SYK: variants seen among roughly 807,000 people sequenced by gnomAD.
The protein encoded by SYK is spleen associated tyrosine kinase, also known as tyrosine-protein kinase SYK.
Under a neutral mutation model 77.8 loss-of-function variants are expected in SYK, and 16 were observed. The ratio of observed to expected loss-of-function variants is 0.21; its 90% confidence interval spans 0.14 to 0.31. The LOEUF is 0.31. Ranked by LOEUF, SYK falls within the 10% of genes least tolerant of loss-of-function variation. SYK has a pLI of 1.00. For missense variants in SYK, 529 were observed against 814.4 expected (o/e 0.65, Z 4.26); for synonymous variants, 312 against 308.7 (o/e 1.01, Z -0.11).
At position 90,895,611 on chromosome 9, in the gene SYK, AC is replaced by A. The variant is rs1828954692; in HGVS notation, c.*13del. 1.2e-6 allele frequency: 2 copies of A among 1,613,066 alleles called. No individual in the cohort carries two copies. The highest frequency in any genetic ancestry group is 3.3e-5 in the Admixed American group (2 of 59,998). ...GACGTGGTGAACTAACCGCTCCCGC[AC>A]CTGTCGGTGGCTGCCTTTGATCACA... On this transcript the variant is annotated 3_prime_UTR_variant, in exon 14 of 14. Transcript: ENST00000375754. The surrounding 1 kb of genome is among the most constrained non-coding windows in gnomAD (Gnocchi z 4.4).
intron 1 of SYK, among the ~76,000 whole-genome samples, chr9:90,828,227 T>TCCCCC (rs1180453983): frequency 3.3e-5 from 1 of 30,612 alleles, no homozygotes; most frequent in Non-Finnish European, 6.2e-5. Flanking sequence ...TGCTGTGGCC[T>TCCCCC]CACCCCCGCC....
chr9:90,859,131 A>G (rs980906442), intron 3 of SYK, among the ~76,000 whole-genome samples: 2 of 152,220 alleles, frequency 1.3e-5, no homozygotes, highest in Non-Finnish European at 2.9e-5. Flanking sequence ...GTACAACTTA[A>G]TGAATGATTA....
chr9:90,818,228 C>T (rs960313805), intron 1 of SYK, among the ~76,000 whole-genome samples: 2 of 152,182 alleles, frequency 1.3e-5, no homozygotes, highest in African/African-American at 4.8e-5. Context: ...GGGGCAGTAT[C>T]TCTGCCAACA....
At chr9:90,880,733 C>T (rs1198909282) in intron 11 of SYK, among the ~76,000 whole-genome samples, 2 of 152,204 alleles carry the variant, frequency 1.3e-5, no homozygotes, top group Non-Finnish European at 2.9e-5. Flanking sequence ...GCTGTGTGGG[C>T]AGGGCCAGGT....
intron 11 of SYK, among the ~76,000 whole-genome samples, chr9:90,880,373 CA>C (rs1828103260): frequency 6.6e-6 from 1 of 152,198 alleles, no homozygotes; most frequent in African/African-American, 2.4e-5. Flanking sequence ...TGGCCCTCCT[CA>C]CCCCATTCTT....
At chr9:90,833,609 C>T (rs1825969921) in intron 1 of SYK, among the ~76,000 whole-genome samples, 1 of 152,158 alleles carries the variant, frequency 6.6e-6, no homozygotes, top group Admixed American at 6.5e-5. Flanking sequence ...AGTCAGACTG[C>T]CCTAGAAACA....
rs1397325676 is a variant in SYK, at chr9:90,884,389, GCATACATACACATATGTGTATATATA to G, written c.1582-3351_1582-3326del. On this transcript the variant is annotated intron_variant, in intron 11 of 13. Coordinates refer to ENST00000375754, the MANE Select transcript of SYK (RefSeq NM_003177.7). Reference sequence around the variant, plus strand: ...TACATACACACATACGTGTATATATGCATACATACACATATGTGTATATATACATACATATACACATATGTGTGTAC... The same window carrying G: ...TACATACACACATACGTGTATATATGCATACATATACACATATGTGTGTAC... Among the ~76,000 whole-genome samples the G allele has an allele frequency of 5.7e-3, 393 of 69,320 alleles. 44 individuals carry two copies. Among genetic ancestry groups the G allele is most frequent in the South Asian group, 9.2e-3 (21 of 2,288 alleles). The allele number at this position is 69,320 out of a possible 152,430, so 45.5% of individuals were successfully genotyped here.
At chr9:90,874,532 T>G (rs1827855537) in intron 8 of SYK, 140 bp from the exon 9 acceptor site, 9 of 1,146,520 alleles carry the variant, frequency 7.8e-6, no homozygotes, top group Admixed American at 2.2e-5. Flanking sequence ...GAAATGTCCC[T>G]GCCACTCTTC....
At chr9:90,857,786 A>G (rs1451902491) in intron 3 of SYK, among the ~76,000 whole-genome samples, 1 of 151,814 alleles carries the variant, frequency 6.6e-6, no homozygotes, top group Non-Finnish European at 1.5e-5. Flanking sequence ...TGCCCACCCA[A>G]CCCAGCACAG....
intron 7 of SYK, among the ~76,000 whole-genome samples, chr9:90,870,458 A>G (rs1269959012): frequency 2.6e-5 from 4 of 152,228 alleles, no homozygotes; most frequent in Non-Finnish European, 2.9e-5. Context: ...ATATTTTAAA[A>G]CTTACATTTA....
At chr9:90,872,824 G>A (rs1248200135) in intron 7 of SYK, among the ~76,000 whole-genome samples, 10 of 152,176 alleles carry the variant, frequency 6.6e-5, no homozygotes, top group Non-Finnish European at 7.3e-5. Context: ...CCTTGTGGAC[G>A]TGGCACAGTT....
chr9:90,817,845 TTGTGTGTGTGTGTGTG>T lies in SYK; in HGVS notation c.-42+15975_-42+15990del, dbSNP rs746939088. Among the ~76,000 whole-genome samples the T allele has an allele frequency of 0.013, 1,805 of 137,592 alleles. 61 individuals are homozygous for T. The East Asian group carries it at 0.14, about 11-fold the overall frequency. 90.3% of individuals were successfully genotyped at this position (137,592 alleles called of 152,430 possible). A position where few individuals can be genotyped will look rare whatever the true frequency, so the allele number is the denominator to read the frequency against. ...AATATTTCCTCCCTTCTCAATAATG[TTGTGTGTGTGTGTGTG>T]TGTGTGTGTGTGTGTGTGTGTGAGA... On this transcript the variant is annotated intron_variant, in intron 1 of 13. Coordinates refer to ENST00000375754, the MANE Select transcript of SYK (RefSeq NM_003177.7).
chr9:90,803,141 A>G (rs1027773113), intron 1 of SYK, among the ~76,000 whole-genome samples: 1 of 152,234 alleles, frequency 6.6e-6, no homozygotes, highest in Non-Finnish European at 1.5e-5. Flanking sequence ...AAATTATTTT[A>G]TCAAATCATT....
In SYK at chr9:90,877,243, A is replaced by G. The variant is rs557292321; in HGVS notation, c.1182-328A>G. Among the ~76,000 whole-genome samples, 16 of 152,112 alleles carry G rather than the reference A, an allele frequency of 1.1e-4. No homozygotes were observed. In the South Asian group the frequency reaches 2.7e-3, roughly 26 times the overall value. On this transcript the variant is annotated intron_variant, in intron 9 of 13. Transcript: ENST00000375754. ...TTTTTTTAGAGATGGGGGTCTCACT[A>G]TGTTGCCCAGGCTGACCTTGAACTT...
intron 7 of SYK, 103 bp from the exon 8 acceptor site, chr9:90,874,101 A>G (rs1827837245): frequency 1.0e-6 from 1 of 952,834 alleles, no homozygotes; most frequent in Non-Finnish European, 1.6e-6. Flanking sequence ...TCTTTCCTGC[A>G]AAAGTTAAAC....
At chr9:90,894,721 A>G (rs1312656065) in intron 13 of SYK, among the ~76,000 whole-genome samples, 1 of 152,226 alleles carries the variant, frequency 6.6e-6, no homozygotes, top group East Asian at 1.9e-4. Flanking sequence ...AAAATAAGAA[A>G]AATAACTTCT....
At chr9:90,802,300 C>T (rs140868907) in intron 1 of SYK, among the ~76,000 whole-genome samples, 20 of 152,336 alleles carry the variant, frequency 1.3e-4, no homozygotes, top group Middle Eastern at 3.4e-3. Context: ...TGGCCATTTA[C>T]ACGAATCCAC....
chr9:90,896,666 A>G lies in SYK; in HGVS notation c.*1066A>G. Reference sequence around the variant, plus strand: ...ATTTGAGTTGAAGATACAAGATCGGAGAATGATTTTCTGGTCTTAACTAAT... The same window carrying G: ...ATTTGAGTTGAAGATACAAGATCGGGGAATGATTTTCTGGTCTTAACTAAT... On this transcript the variant is annotated 3_prime_UTR_variant, in exon 14 of 14. Coordinates refer to ENST00000375754, the MANE Select transcript of SYK (RefSeq NM_003177.7). 1 of 232,616 alleles carries G rather than the reference A, an allele frequency of 4.3e-6. No individual in the cohort carries two copies. Among genetic ancestry groups the G allele is most frequent in the Non-Finnish European group, 8.5e-6 (1 of 117,610 alleles). The allele number at this position is 232,616 out of a possible 1,614,324, so 14.4% of individuals were successfully genotyped here.
intron 1 of SYK, among the ~76,000 whole-genome samples, chr9:90,836,034 A>G (rs1221298827): frequency 6.6e-6 from 1 of 152,220 alleles, no homozygotes; most frequent in African/African-American, 2.4e-5. Flanking sequence ...CACGCCTCTA[A>G]TCCCAGCACT....
Sources: allele counts gnomAD v4.1 joint callset (sites outside exome capture counted in the v4.1 genomes callset), GRCh38; gene constraint gnomAD v4.1.1; non-coding constraint Gnocchi (gnomAD v3.1); transcripts MANE v1.5; gene names NCBI Gene and HGNC (gene_info 2026-07-23, HGNC 2026-07-21).